Variants in UGT1A8 observed in about 807,000 individuals in gnomAD.
UGT1A8 encodes UDP glucuronosyltransferase family 1 member A8, also known as UDP-glucuronosyltransferase 1A8.
In UGT1A8, 39 loss-of-function variants were observed where a neutral mutation model predicts 45.3. That is an observed-to-expected ratio of 0.86 (90% confidence interval 0.67 to 1.12). UGT1A8 has a LOEUF of 1.12. UGT1A8 is among the 50% of genes most tolerant of loss of function. UGT1A8 has a pLI of 0.00. For synonymous variants in UGT1A8, 275 were observed against 249.2 expected, an observed-to-expected ratio of 1.10 and a Z score of -0.97; for missense variants, 719 against 664.9, an observed-to-expected ratio of 1.08 and a Z score of -0.90.
chr2:233,671,171 G>A (rs554603090), intron 1 of UGT1A8, among the ~76,000 whole-genome samples: 61 of 152,344 alleles, frequency 4.0e-4, no homozygotes, highest in African/African-American at 1.3e-3. Context: ...GAGTGATGGC[G>A]TGTTTAGAAT....
intron 1 of UGT1A8, among the ~76,000 whole-genome samples, chr2:233,626,653 G>C (rs1334503390): frequency 6.6e-6 from 1 of 151,954 alleles, no homozygotes; most frequent in Non-Finnish European, 1.5e-5. Context: ...AATCCTTCTG[G>C]ACTTTCATGA....
At chr2:233,620,656 G>A (rs1220238128) in intron 1 of UGT1A8, among the ~76,000 whole-genome samples, 1 of 152,172 alleles carries the variant, frequency 6.6e-6, no homozygotes, top group Admixed American at 6.5e-5. Context: ...AGAAGGTTAT[G>A]TGTATTAATG....
chr2:233,765,502 A>G (rs1698851224), intron 1 of UGT1A8, among the ~76,000 whole-genome samples: 1 of 152,194 alleles, frequency 6.6e-6, no homozygotes, highest in Non-Finnish European at 1.5e-5. Flanking sequence ...AAACTAACAC[A>G]GGAACAGAAA....
intron 1 of UGT1A8, among the ~76,000 whole-genome samples, chr2:233,657,349 A>C (rs2073877515): frequency 6.6e-6 from 1 of 152,202 alleles, no homozygotes; most frequent in Non-Finnish European, 1.5e-5. Flanking sequence ...GCTGTATAAG[A>C]ATCATGGTAC....
At chr2:233,724,636 G>A (rs1302361231) in intron 1 of UGT1A8, among the ~76,000 whole-genome samples, 4 of 141,026 alleles carry the variant, frequency 2.8e-5, no homozygotes, top group Admixed American at 7.0e-5. Flanking sequence ...CTTCCTAGAT[G>A]TGATGGCGGC....
intron 1 of UGT1A8, among the ~76,000 whole-genome samples, chr2:233,638,102 G>A (rs1419121195): frequency 6.6e-6 from 1 of 152,042 alleles, no homozygotes; most frequent in African/African-American, 2.4e-5. Context: ...CTACACGTAG[G>A]GTTACAGGGT....
At chr2:233,643,157 C>T (rs2073501204) in intron 1 of UGT1A8, among the ~76,000 whole-genome samples, 1 of 152,220 alleles carries the variant, frequency 6.6e-6, no homozygotes, top group South Asian at 2.1e-4. Flanking sequence ...TCCCCCAGGC[C>T]CTGGGTGGGT....
rs886044684 is a variant in UGT1A8 at position 233,767,925 on chromosome 2, A to G, written c.1064A>G (p.Asn355Ser). The G allele has an allele frequency of 1.2e-6, 2 of 1,614,156 alleles. No homozygotes were observed. Among genetic ancestry groups the G allele is most frequent in the Non-Finnish European group, 1.7e-6 (2 of 1,180,038 alleles). The change falls in exon 3 of 5, where the codon AAC (asparagine) becomes AGC (serine). Residue 355 changes from asparagine (N) to serine (S), a missense_variant. Transcript: ENST00000373450. ...ATACTTGTTAAGTGGCTACCCCAAA[A>G]CGATCTGCTTGGTATGTTGGGCGGA... ...NTILVKWLPQ[N>S]DLLGHPMTRA...
At chr2:233,632,709 T>G (rs2073213877) in intron 1 of UGT1A8, among the ~76,000 whole-genome samples, 1 of 152,210 alleles carries the variant, frequency 6.6e-6, no homozygotes, top group South Asian at 2.1e-4. Context: ...TGAAGTTGCT[T>G]ATCAGCTTAA....
intron 1 of UGT1A8, chr2:233,740,677 T>C (rs536808969): frequency 2.0e-5 from 3 of 151,924 alleles, no homozygotes; most frequent in South Asian, 4.1e-4. Context: ...GGTGTTTCCA[T>C]GGAGGGTGTT....
At chr2:233,759,947 C>T (rs1327771342) in intron 1 of UGT1A8, among the ~76,000 whole-genome samples, 1 of 152,176 alleles carries the variant, frequency 6.6e-6, no homozygotes, top group Non-Finnish European at 1.5e-5. Flanking sequence ...CTAACTTGTT[C>T]ACTACATAGT....
At position 233,637,492 on chromosome 2, in the gene UGT1A8, C is replaced by A. The variant is rs528951665; in HGVS notation, c.855+18930C>A. The A allele has an allele frequency of 3.6e-5, 53 of 1,492,588 alleles. No individual in the cohort carries two copies. In the South Asian group the frequency reaches 6.9e-4, roughly 19 times the overall value. 92.5% of individuals were successfully genotyped at this position (1,492,588 alleles called of 1,614,324 possible). ...GTTTGTTGCATTTCAAATTTCTTTCCAGTTTAACAAATTATTTTGTGCGAA... is the reference window on the plus strand; with the variant it reads ...GTTTGTTGCATTTCAAATTTCTTTCAAGTTTAACAAATTATTTTGTGCGAA... On this transcript the variant is annotated intron_variant, in intron 1 of 4. Transcript: ENST00000373450.
intron 1 of UGT1A8, chr2:233,713,474 G>T (rs779583012): frequency 1.2e-6 from 2 of 1,614,060 alleles, no homozygotes; most frequent in South Asian, 2.2e-5. Context: ...CGGCGGTGCT[G>T]GCTAAGTACC....
chr2:233,649,579 C>T (rs945108523), intron 1 of UGT1A8, among the ~76,000 whole-genome samples: 4 of 152,114 alleles, frequency 2.6e-5, no homozygotes, highest in African/African-American at 9.7e-5. Context: ...CTTTACTATG[C>T]GTTTTTACTT....
intron 1 of UGT1A8, chr2:233,693,687 A>C: frequency 6.2e-7 from 1 of 1,614,230 alleles, no homozygotes; most frequent in South Asian, 1.1e-5. Flanking sequence ...CTGTTTTCAA[A>C]GTATGAAGAA....
intron 1 of UGT1A8, among the ~76,000 whole-genome samples, chr2:233,704,038 G>A (rs1347198541): frequency 6.6e-6 from 1 of 151,800 alleles, no homozygotes; most frequent in Non-Finnish European, 1.5e-5. Flanking sequence ...CTACAGGTGT[G>A]CACCAACATG....
Position 233,618,038 on chromosome 2 carries a change from A to G in UGT1A8, c.331A>G (p.Ser111Gly). The change falls in exon 1 of 5, where the codon AGT becomes GGT. Residue 111 changes from serine to glycine, a missense_variant. Ser to Gly is a moderately conservative substitution (Grantham distance 56). Transcript: ENST00000373450. ...QVRSLFSLFLSSSNGFFNLFF... is the reference protein window; with the variant it reads ...QVRSLFSLFLGSSNGFFNLFF... ...ACGAAGTTTGTTTTCTCTATTTCTG[A>G]GTTCATCCAATGGTTTTTTTAACTT... 2 of 1,614,102 alleles carry G rather than the reference A, an allele frequency of 1.2e-6. No homozygotes were observed. Among genetic ancestry groups the G allele is most frequent in the African/African-American group, 1.3e-5 (1 of 75,024 alleles).
At chr2:233,712,795 G>C (rs551571775) in intron 1 of UGT1A8, among the ~76,000 whole-genome samples, 3 of 152,166 alleles carry the variant, frequency 2.0e-5, no homozygotes, top group Non-Finnish European at 2.9e-5. Flanking sequence ...AGGAGTGATC[G>C]GTCTTTCCCA....
chr2:233,744,298 C>CAA (rs1268189339), intron 1 of UGT1A8, among the ~76,000 whole-genome samples: 1 of 151,760 alleles, frequency 6.6e-6, no homozygotes, highest in Non-Finnish European at 1.5e-5. Flanking sequence ...TTTCCTCGGC[C>CAA]ACAGGAGGGA....
Sources: gnomAD v4.1 joint callset for allele counts (sites outside exome capture counted in the v4.1 genomes callset) on GRCh38, gnomAD v4.1.1 for gene constraint, MANE v1.5 for transcripts, NCBI Gene and HGNC (gene_info 2026-07-23, HGNC 2026-07-21) for gene names.